Variants in TOLLIP observed in about 807,000 individuals in gnomAD.
TOLLIP encodes the protein toll interacting protein, also known as toll-interacting protein.
A neutral mutation model predicts 33.5 loss-of-function variants in TOLLIP; 16 were observed. That is an observed-to-expected ratio of 0.48 (90% CI 0.32 to 0.72). The LOEUF is 0.72. TOLLIP is among the 30% of genes least tolerant of loss of function. The pLI is 0.03. For missense variants in TOLLIP, 325 were observed against 396.6 expected (o/e 0.82, Z 1.53); for synonymous variants, 176 against 163.7 (o/e 1.07, Z -0.57).
At chr11:1,280,295 C>T (rs1051733046) in intron 5 of TOLLIP, among the ~76,000 whole-genome samples, 1 of 152,254 alleles carries the variant, frequency 6.6e-6, no homozygotes, top group African/African-American at 2.4e-5. Context: ...GCTGCGAACG[C>T]CGGCTGCTCC....
At chr11:1,284,999 C>T (rs1399645824) in intron 5 of TOLLIP, among the ~76,000 whole-genome samples, 1 of 152,300 alleles carries the variant, frequency 6.6e-6, no homozygotes, top group East Asian at 1.9e-4. Flanking sequence ...GGGGTGCTGA[C>T]CAGGCCTCTC....
At chr11:1,302,633 C>T (rs2133930436) in intron 1 of TOLLIP, 3 of 987,846 alleles carry the variant, frequency 3.0e-6, no homozygotes, top group South Asian at 9.3e-5. Flanking sequence ...TCACGCTCCA[C>T]ACCAGCCTCC....
intron 2 of TOLLIP, chr11:1,292,107 C>T (rs1315942944): frequency 6.6e-6 from 1 of 152,254 alleles, no homozygotes; most frequent in African/African-American, 2.4e-5. Flanking sequence ...TATGGAGTGA[C>T]AGTTTTCCGG....
intron 2 of TOLLIP, among the ~76,000 whole-genome samples, chr11:1,295,217 C>T (rs1280733295): frequency 2.0e-5 from 3 of 152,238 alleles, no homozygotes; most frequent in Non-Finnish European, 2.9e-5. Context: ...GGGCCGGCCC[C>T]GAGGCTGACC....
At position 1,278,268 on chromosome 11, in the gene TOLLIP, C is replaced by A. The variant is rs772120928; in HGVS notation, c.611-1015G>T. 6.6e-6 allele frequency among the ~76,000 whole-genome samples: 1 copy of A among 152,170 alleles called. No individual in the cohort carries two copies. The highest frequency in any genetic ancestry group is 1.9e-4 in the East Asian group (1 of 5,176). ...CCAGCGAGGCACAGAGCTCCTCCTG[C>A]AGCAGCAGCTGCAGCAGTGCAAGGG... On this transcript the variant is annotated intron_variant, in intron 5 of 5. Coordinates refer to ENST00000317204, the MANE Select transcript of TOLLIP (RefSeq NM_019009.4). This position sits in a 1 kb window ranked among gnomAD's most constrained non-coding sequence, Gnocchi z 4.7.
rs138639196 is a variant in TOLLIP, at chr11:1,277,219, G to A, written c.645C>T (p.Pro215=). 155 of 1,587,586 alleles carry A rather than the reference G, an allele frequency of 9.8e-5. No homozygotes were observed. The African/African-American group carries it at 1.7e-3, about 17-fold the overall frequency. ...TCACGGCGGCCGGGGGCAGGGCCAC[G>A]GGCACCATGCCGGGGCTACAGACAG... ...MPAVCSPGMV[P]VALPPAAVNA... is the part of the protein sequence containing the mutation. Residue 215 remains proline, a synonymous_variant, in exon 6 of 6, where the codon CCC becomes CCT. Transcript: ENST00000317204. This position sits in a 1 kb window ranked among gnomAD's most constrained non-coding sequence, Gnocchi z 4.2.
intron 1 of TOLLIP, among the ~76,000 whole-genome samples, chr11:1,299,436 G>A (rs577848907): frequency 9.8e-5 from 15 of 152,304 alleles, no homozygotes; most frequent in Admixed American, 3.9e-4. Context: ...AGGTGCTGAA[G>A]TAAACCCTAT....
chr11:1,277,719 C>A lies in TOLLIP; in HGVS notation c.611-466G>T, dbSNP rs1863356653. On this transcript the variant is annotated intron_variant, in intron 5 of 5. Coordinates refer to ENST00000317204, the MANE Select transcript of TOLLIP (RefSeq NM_019009.4). This position sits in a 1 kb window ranked among gnomAD's most constrained non-coding sequence, Gnocchi z 4.2. ...TCCAAACACTGCACGGTCTGAGCCTCTTCCTTTATCAGGCATTCTAGAAGA... is the reference window on the plus strand; with the variant it reads ...TCCAAACACTGCACGGTCTGAGCCTATTCCTTTATCAGGCATTCTAGAAGA... 6.6e-6 allele frequency among the ~76,000 whole-genome samples: 1 copy of A among 152,206 alleles called. No homozygotes were observed. Among genetic ancestry groups the A allele is most frequent in the African/African-American group, 2.4e-5 (1 of 41,450 alleles).
chr11:1,309,431 A>T, intron 1 of TOLLIP, 35 bp downstream of exon 1: 1 of 1,237,522 alleles, frequency 8.1e-7, no homozygotes. Context: ...ACCGCAGGTC[A>T]CCGCCCCCGC....
rs368492722 is a variant in TOLLIP at position 1,289,664 on chromosome 11, C to A, written c.366+563G>T. The stretch of plus-strand genomic sequence containing the variant: ...GAAATCCCACCTGCTGGTGAGCGGC[C>A]AGACGAGTGCCCAGTGGACACGTGC... On this transcript the variant is annotated intron_variant, in intron 3 of 5. Coordinates refer to ENST00000317204, the MANE Select transcript of TOLLIP (RefSeq NM_019009.4). Among the ~76,000 whole-genome samples the A allele has an allele frequency of 1.1e-4, 17 of 149,826 alleles. No individual in the cohort carries two copies. In the South Asian group the frequency reaches 3.4e-3, roughly 30 times the overall value.
intron 1 of TOLLIP, among the ~76,000 whole-genome samples, chr11:1,301,910 T>G (rs898294275): frequency 6.6e-6 from 1 of 152,218 alleles, no homozygotes; most frequent in Admixed American, 6.5e-5. Context: ...TCAAAGCCTC[T>G]TGGGCGAGGT....
At chr11:1,298,346 C>T (rs987305940) in intron 1 of TOLLIP, 1 of 152,278 alleles carries the variant, frequency 6.6e-6, no homozygotes, top group Non-Finnish European at 1.5e-5. Flanking sequence ...AGACAGGCGA[C>T]TCATGTCCCG....
chr11:1,282,153 C>A (rs1419731699), intron 5 of TOLLIP, among the ~76,000 whole-genome samples: 1 of 152,218 alleles, frequency 6.6e-6, no homozygotes, highest in East Asian at 1.9e-4. Context: ...AACGCCAGGG[C>A]TAAGGCCGGA....
At chr11:1,305,326 G>C (rs1468937036) in intron 1 of TOLLIP, among the ~76,000 whole-genome samples, 1 of 152,246 alleles carries the variant, frequency 6.6e-6, no homozygotes, top group Non-Finnish European at 1.5e-5. Context: ...CGCCCTCCCA[G>C]GAGCAGCCCA....
chr11:1,297,408 G>A (rs1330903583), intron 1 of TOLLIP, among the ~76,000 whole-genome samples: 2 of 152,170 alleles, frequency 1.3e-5, no homozygotes, highest in African/African-American at 4.8e-5. Flanking sequence ...CAACCAATGT[G>A]AGTAAACAGA....
At chr11:1,293,202 G>A (rs895820775) in intron 2 of TOLLIP, among the ~76,000 whole-genome samples, 4 of 152,234 alleles carry the variant, frequency 2.6e-5, no homozygotes, top group East Asian at 3.9e-4. Context: ...AGCCACCTGC[G>A]GACACGGGGG....
chr11:1,286,422 C>T (rs188487646), intron 4 of TOLLIP, among the ~76,000 whole-genome samples: 1 of 152,346 alleles, frequency 6.6e-6, no homozygotes, highest in African/African-American at 2.4e-5. Flanking sequence ...CCACACTGCA[C>T]TGCTGTGGTG....
At chr11:1,294,006 T>G (rs994543889) in intron 2 of TOLLIP, among the ~76,000 whole-genome samples, 1 of 152,292 alleles carries the variant, frequency 6.6e-6, no homozygotes, top group African/African-American at 2.4e-5. Flanking sequence ...AAGTCTTATT[T>G]GTGAGGTCCA....
At chr11:1,295,342 C>T (rs973880447) in intron 2 of TOLLIP, 6 of 268,970 alleles carry the variant, frequency 2.2e-5, no homozygotes, top group South Asian at 1.4e-4. Context: ...CTCCAGCTGC[C>T]GGCGGGGGTC....
Sources: allele counts gnomAD v4.1 joint callset (sites outside exome capture counted in the v4.1 genomes callset), GRCh38; gene constraint gnomAD v4.1.1; non-coding constraint Gnocchi (gnomAD v3.1); transcripts MANE v1.5; gene names NCBI Gene and HGNC (gene_info 2026-07-23, HGNC 2026-07-21).